Variants in PLB1 observed in about 807,000 individuals in gnomAD.
PLB1 encodes phospholipase B1.
In PLB1, 242 loss-of-function variants were observed where a neutral mutation model predicts 227.4. The observed-to-expected ratio is 1.06, with a 90% CI of 0.96 to 1.18. The LOEUF (loss-of-function observed/expected upper bound fraction) is 1.18, where lower values mean the gene tolerates loss of function less well. Among genes scored for constraint, PLB1 ranks in the 50% most tolerant of loss-of-function variants. The pLI is 0.00. For missense variants in PLB1, 1,858 were observed against 1,816.3 expected (o/e 1.02, Z -0.42); for synonymous variants, 757 against 682.2 (o/e 1.11, Z -1.71).
chr2:28,640,075 AAGTG>A (rs1397081952), intron 56 of PLB1, among the ~76,000 whole-genome samples: 1 of 152,182 alleles, frequency 6.6e-6, no homozygotes, highest in Non-Finnish European at 1.5e-5. Context: ...AGACAACAGA[AAGTG>A]AGATCATGGG....
chr2:28,563,455 G>C (rs1676365231), intron 18 of PLB1, among the ~76,000 whole-genome samples: 1 of 151,934 alleles, frequency 6.6e-6, no homozygotes, highest in South Asian at 2.1e-4. Flanking sequence ...AGACCATGGT[G>C]TAGAACTCCT....
chr2:28,523,610 A>G (rs1246521201), intron 4 of PLB1, among the ~76,000 whole-genome samples: 1 of 151,100 alleles, frequency 6.6e-6, no homozygotes, highest in Non-Finnish European at 1.5e-5. Context: ...CCCTTCCCCC[A>G]ACCCCCTCTC....
chr2:28,576,165 G>A (rs1257978198), intron 21 of PLB1, among the ~76,000 whole-genome samples: 1 of 152,190 alleles, frequency 6.6e-6, no homozygotes, highest in Non-Finnish European at 1.5e-5. Context: ...ATCCTGGGTG[G>A]CAGGGAAAAG....
chr2:28,563,959 G>C (rs902341743), intron 18 of PLB1, among the ~76,000 whole-genome samples: 1 of 152,142 alleles, frequency 6.6e-6, no homozygotes, highest in Non-Finnish European at 1.5e-5. Flanking sequence ...ACCAATAAAG[G>C]CTGGGCCCAG....
chr2:28,543,244 G>A lies in PLB1; in HGVS notation c.912G>A (p.Leu304=). Residue 304 remains leucine, a synonymous_variant, in exon 14 of 58, where the codon CTG becomes CTA. Transcript: ENST00000327757. ...CCCGACTCCAGGATTCTACCACGCT[G>A]GCCTGGCATCTCTGGAATAGGATGG... ...EDPRLQDSTT[L]AWHLWNRMME... The A allele has an allele frequency of 1.2e-6, 2 of 1,612,606 alleles. No homozygotes were observed. Among genetic ancestry groups the A allele is most frequent in the East Asian group, 2.2e-5 (1 of 44,856 alleles).
At chr2:28,512,965 C>T (rs1668450498) in intron 1 of PLB1, among the ~76,000 whole-genome samples, 2 of 152,168 alleles carry the variant, frequency 1.3e-5, no homozygotes, top group South Asian at 2.1e-4. Flanking sequence ...TATCTCAGTA[C>T]TTCTTATTTC....
chr2:28,541,583 C>T (rs1321758691), intron 12 of PLB1, 124 bp from the exon 13 acceptor site: 2 of 669,422 alleles, frequency 3.0e-6, no homozygotes, highest in Non-Finnish European at 2.6e-6. Context: ...TTCAGAATAG[C>T]ACTTGACCAC....
intron 51 of PLB1, 175 bp downstream of exon 51, chr2:28,626,683 T>C (rs1687840627): frequency 1.6e-6 from 1 of 638,796 alleles, no homozygotes; most frequent in African/African-American, 1.8e-5. Flanking sequence ...CAGCCTTTTC[T>C]ACTGCCTGAG....
At chr2:28,544,254 G>C (rs1249584867) in intron 14 of PLB1, among the ~76,000 whole-genome samples, 1 of 152,206 alleles carries the variant, frequency 6.6e-6, no homozygotes, top group Non-Finnish European at 1.5e-5. Flanking sequence ...CTCTCAGTGT[G>C]CCTGGCACTT....
intron 26 of PLB1, among the ~76,000 whole-genome samples, chr2:28,587,607 CAAA>C: frequency 7.0e-6 from 1 of 142,234 alleles, no homozygotes; most frequent in African/African-American, 2.6e-5. Flanking sequence ...GAGACTGTCT[CAAA>C]AAAAAAAAAA....
chr2:28,556,079 C>T (rs1572948922), intron 17 of PLB1, among the ~76,000 whole-genome samples: 1 of 151,898 alleles, frequency 6.6e-6, no homozygotes, highest in East Asian at 1.9e-4. Flanking sequence ...CCCGGGCTGG[C>T]CTTGAACTCC....
intron 40 of PLB1, 72 bp from the exon 41 acceptor site, chr2:28,604,583 C>G (rs1425881366): frequency 1.6e-6 from 2 of 1,243,956 alleles, no homozygotes; most frequent in African/African-American, 3.0e-5. Flanking sequence ...TGCCCACCAC[C>G]CCTACTCTTG....
At chr2:28,502,592 G>A (rs987466800) in intron 1 of PLB1, among the ~76,000 whole-genome samples, 1 of 152,170 alleles carries the variant, frequency 6.6e-6, no homozygotes, top group Admixed American at 6.5e-5. Context: ...GTTGATCATG[G>A]TGTATCTCTT....
chr2:28,570,415 CA>C (rs1677809480), intron 20 of PLB1, among the ~76,000 whole-genome samples: 1 of 152,084 alleles, frequency 6.6e-6, no homozygotes, highest in South Asian at 2.1e-4. Context: ...GATAAAAGAC[CA>C]AAACCACACA....
rs1676295442 is a variant in PLB1, at chr2:28,562,965, C to T, written c.1148-76C>T. 5.9e-6 allele frequency: 8 copies of T among 1,349,382 alleles called. No homozygotes were observed. The South Asian group carries it at 9.5e-5, about 16-fold the overall frequency. The allele number at this position is 1,349,382 out of a possible 1,614,324, so 83.6% of individuals were successfully genotyped here. On this transcript the variant is annotated intron_variant, in intron 17 of 57. Coordinates refer to ENST00000327757, the MANE Select transcript of PLB1 (RefSeq NM_153021.5). ...TTTCTTTGTTATCCTGGAAGTTGTT[C>T]CTTTGTTTCAGAGTAGATGGGTCCA...
chr2:28,639,066 TAAAAA>T (rs35534591), intron 56 of PLB1, among the ~76,000 whole-genome samples: 1 of 130,466 alleles, frequency 7.7e-6, no homozygotes, highest in Non-Finnish European at 1.6e-5. Context: ...AGATTCCATC[TAAAAA>T]AAAAAAAAAA....
chr2:28,574,435 T>C (rs1448894333), intron 21 of PLB1, among the ~76,000 whole-genome samples: 2 of 142,350 alleles, frequency 1.4e-5, no homozygotes, highest in Non-Finnish European at 3.0e-5. Context: ...CAGGCTGGAG[T>C]ACAGTAGTGT....
chr2:28,619,077 T>C (rs1212935714), intron 46 of PLB1, among the ~76,000 whole-genome samples: 1 of 152,254 alleles, frequency 6.6e-6, no homozygotes, highest in Non-Finnish European at 1.5e-5. Context: ...CAGGGGTACA[T>C]GTGCAGGTTT....
At chr2:28,503,185 C>G (rs1026072295) in intron 1 of PLB1, among the ~76,000 whole-genome samples, 1 of 151,924 alleles carries the variant, frequency 6.6e-6, no homozygotes, top group Admixed American at 6.6e-5. Context: ...AAAGGTCTAA[C>G]TCTGCTGTCC....
Sources: gnomAD v4.1 joint callset for allele counts (sites outside exome capture counted in the v4.1 genomes callset) on GRCh38, gnomAD v4.1.1 for gene constraint, MANE v1.5 for transcripts, NCBI Gene and HGNC (gene_info 2026-07-23, HGNC 2026-07-21) for gene names.